The following HNRNPC variants were observed in gnomAD, a reference collection of about 807,000 sequenced individuals.
HNRNPC encodes the protein heterogeneous nuclear ribonucleoproteins C1/C2.
A neutral mutation model predicts 33.2 loss-of-function variants in HNRNPC; 3 were observed. The observed-to-expected ratio is 0.09, with a 90% CI of 0.04 to 0.23. HNRNPC has a LOEUF of 0.23. Ranked by LOEUF, HNRNPC falls within the 10% of genes least tolerant of loss-of-function variation. HNRNPC has a pLI of 1.00. For synonymous variants in HNRNPC, 121 were observed against 126.7 expected (o/e 0.96, Z 0.30); for missense variants, 143 against 366.7 (o/e 0.39, Z 4.98).
chr14:21,211,758 CT>C (rs1463995569), intron 7 of HNRNPC, 51 bp downstream of exon 7: 1 of 1,522,092 alleles, frequency 6.6e-7, no homozygotes, highest in African/African-American at 1.4e-5. Context: ...TTTCAAGTGC[CT>C]TATGTAACTA....
intron 1 of HNRNPC, chr14:21,265,418 A>G (rs1230564841): frequency 1.3e-5 from 2 of 152,360 alleles, no homozygotes. Context: ...CTATCTTTCA[A>G]TATCAAAAAG....
At chr14:21,251,234 C>G (rs55700139) in intron 2 of HNRNPC, among the ~76,000 whole-genome samples, 270 of 114,738 alleles carry the variant, frequency 2.4e-3, no homozygotes, top group Non-Finnish European at 3.1e-3. Context: ...GCACTCCAGC[C>G]TGGACAACAG....
At chr14:21,248,244 C>A (rs1469782070) in intron 2 of HNRNPC, among the ~76,000 whole-genome samples, 3 of 152,098 alleles carry the variant, frequency 2.0e-5, no homozygotes, top group Non-Finnish European at 2.9e-5. Flanking sequence ...CGGGGTTTTG[C>A]CATGTTGCCC....
Position 21,230,916 on chromosome 14 carries a change from A to C in HNRNPC, c.317+81T>G, listed in dbSNP as rs760119615. 4 of 1,496,030 alleles carry C rather than the reference A, an allele frequency of 2.7e-6. No homozygotes were observed. The African/African-American group carries it at 5.5e-5, about 21-fold the overall frequency. The allele number at this position is 1,496,030 out of a possible 1,614,324, so 92.7% of individuals were successfully genotyped here. ...CAGAAAACAGAAAGAGAAGATGCCC[A>C]CTGATGGACACAATGCAGTTATAAA... On this transcript the variant is annotated intron_variant, in intron 4 of 8. Transcript: ENST00000553300.
At chr14:21,218,153 G>A (rs1430181564) in intron 5 of HNRNPC, among the ~76,000 whole-genome samples, 1 of 152,118 alleles carries the variant, frequency 6.6e-6, no homozygotes, top group Non-Finnish European at 1.5e-5. Context: ...AGTAGAGATG[G>A]GATTTCACCA....
intron 2 of HNRNPC, among the ~76,000 whole-genome samples, chr14:21,248,573 TG>T (rs1896261611): frequency 6.6e-6 from 1 of 152,176 alleles, no homozygotes; most frequent in Non-Finnish European, 1.5e-5. Context: ...TTACTGTTAT[TG>T]GCACATACCA....
intron 1 of HNRNPC, chr14:21,265,259 TTTCA>T (rs1878786318): frequency 1.3e-5 from 2 of 152,222 alleles, no homozygotes; most frequent in South Asian, 4.1e-4. Flanking sequence ...TGGTGAAACA[TTTCA>T]TTTTCTTATT....
intron 2 of HNRNPC, among the ~76,000 whole-genome samples, chr14:21,241,442 A>C (rs1477230175): frequency 6.6e-6 from 1 of 152,134 alleles, no homozygotes; most frequent in East Asian, 1.9e-4. Flanking sequence ...CAATTTTCTA[A>C]AAGGTTTACT....
Position 21,247,242 on chromosome 14 carries a change from A to T in HNRNPC, c.-36-13013T>A, listed in dbSNP as rs192492775. Among the ~76,000 whole-genome samples the T allele has an allele frequency of 4.3e-3, 662 of 152,272 alleles. 5 individuals are homozygous for T. Among genetic ancestry groups the T allele is most frequent in the African/African-American group, 0.015 (640 of 41,560 alleles). ...AGCAGTTCGTATTTCATCCTCTTCTACCTAGTTCATAATCACTAAAGATCA... is the reference window on the plus strand; with the variant it reads ...AGCAGTTCGTATTTCATCCTCTTCTTCCTAGTTCATAATCACTAAAGATCA... On this transcript the variant is annotated intron_variant, in intron 2 of 8. Transcript: ENST00000553300.
chr14:21,239,426 C>T lies in HNRNPC; in HGVS notation c.-36-5197G>A, dbSNP rs118151933. Among the ~76,000 whole-genome samples the T allele has an allele frequency of 6.3e-4, 95 of 151,846 alleles. 1 individual carries two copies. The East Asian group carries it at 0.018, about 28-fold the overall frequency. On this transcript the variant is annotated intron_variant, in intron 2 of 8. Coordinates refer to ENST00000553300, the MANE Select transcript of HNRNPC (RefSeq NM_004500.4). ...ACCTTGGAGGCAGAGGTGCAGTCAG[C>T]GGAGATAGCGCCACTGCACTCCAGT...
chr14:21,250,423 C>G (rs1020416377), intron 2 of HNRNPC, among the ~76,000 whole-genome samples: 4 of 152,060 alleles, frequency 2.6e-5, no homozygotes, highest in Admixed American at 6.6e-5. Context: ...TTCCTTAAAA[C>G]ACTCAAGGAA....
intron 2 of HNRNPC, among the ~76,000 whole-genome samples, chr14:21,249,169 C>T (rs1481160543): frequency 1.3e-5 from 2 of 152,126 alleles, no homozygotes; most frequent in East Asian, 3.8e-4. Flanking sequence ...TACCCTGAAA[C>T]TTAGTCATCA....
intron 2 of HNRNPC, among the ~76,000 whole-genome samples, chr14:21,249,708 A>T (rs575393124): frequency 2.0e-5 from 3 of 152,154 alleles, no homozygotes; most frequent in East Asian, 1.9e-4. Context: ...TTACATAGAA[A>T]TTTCTCTCTA....
rs1274066730 is a variant in HNRNPC, at chr14:21,211,460, A to G, written c.744T>C (p.Ala248=). 8.1e-6 allele frequency: 13 copies of G among 1,598,744 alleles called. No individual in the cohort carries two copies. Among genetic ancestry groups the G allele is most frequent in the East Asian group, 2.3e-5 (1 of 44,252 alleles). Residue 248 remains alanine, a synonymous_variant, in exon 8 of 9, where the codon GCT becomes GCC. Transcript: ENST00000553300. ...CATCATCCAGTAGGTCCCCCTCCTC[A>G]GCAGAGTCATCTGCACCCCCCTCAG... is the stretch of plus-strand genomic sequence containing the variant. ...MESEGGADDS[A]EEGDLLDDDD... is the part of the protein sequence containing the mutation.
At chr14:21,256,878 C>T (rs975174753) in intron 2 of HNRNPC, among the ~76,000 whole-genome samples, 1 of 151,976 alleles carries the variant, frequency 6.6e-6, no homozygotes, top group African/African-American at 2.4e-5. Context: ...GGTCTCAAAC[C>T]CCTGAGCTCA....
chr14:21,242,672 C>T (rs946879743), intron 2 of HNRNPC, among the ~76,000 whole-genome samples: 1 of 152,132 alleles, frequency 6.6e-6, no homozygotes, highest in South Asian at 2.1e-4. Flanking sequence ...CAATGAAGAC[C>T]TGGAGGTCTC....
rs1893986928 is a variant in HNRNPC, at chr14:21,230,485, G to A, written c.318-119C>T. The A allele has an allele frequency of 1.2e-5, 8 of 689,164 alleles. No homozygotes were observed. In the Admixed American group the frequency reaches 1.4e-4, roughly 12 times the overall value. 42.7% of individuals were successfully genotyped at this position (689,164 alleles called of 1,614,324 possible). ...CAAATAGATCAACAAGATTAGCACTGAATGATCCCCAATCATTCATACAAT... is the reference window on the plus strand; with the variant it reads ...CAAATAGATCAACAAGATTAGCACTAAATGATCCCCAATCATTCATACAAT... On this transcript the variant is annotated intron_variant, in intron 4 of 8. Transcript: ENST00000553300.
intron 2 of HNRNPC, among the ~76,000 whole-genome samples, chr14:21,245,511 T>A (rs561716557): frequency 6.8e-6 from 1 of 147,400 alleles, no homozygotes; most frequent in Non-Finnish European, 1.5e-5. Flanking sequence ...AATATATATA[T>A]ATTTCAAAAA....
intron 3 of HNRNPC, among the ~76,000 whole-genome samples, chr14:21,233,675 T>C (rs1052950978): frequency 2.0e-5 from 3 of 152,088 alleles, no homozygotes; most frequent in African/African-American, 7.2e-5. Context: ...GACACAACCA[T>C]TTAGGCAACG....
Sources: allele counts gnomAD v4.1 joint callset (sites outside exome capture counted in the v4.1 genomes callset), GRCh38; gene constraint gnomAD v4.1.1; transcripts MANE v1.5; gene names NCBI Gene and HGNC (gene_info 2026-07-23, HGNC 2026-07-21).